The following KCNAB1 variants were observed in gnomAD, a reference collection of about 807,000 sequenced individuals.
KCNAB1 encodes voltage-gated potassium channel subunit beta-1.
KCNAB1 carries 35 observed loss-of-function variants against 64.6 expected under a neutral mutation model. The ratio of observed to expected loss-of-function variants is 0.54; its 90% CI spans 0.41 to 0.72. The LOEUF (loss-of-function observed/expected upper bound fraction) is 0.72. Ranked by LOEUF, KCNAB1 falls within the 30% of genes least tolerant of loss-of-function variation. The pLI is 0.00. For missense variants in KCNAB1, 401 were observed against 512.9 expected, an observed-to-expected ratio of 0.78 and a Z score of 2.11; for synonymous variants, 177 against 183.8, an observed-to-expected ratio of 0.96 and a Z score of 0.30.
chr3:156,367,785 G>A (rs1379938274), intron 1 of KCNAB1, among the ~76,000 whole-genome samples: 2 of 152,158 alleles, frequency 1.3e-5, no homozygotes, highest in Non-Finnish European at 1.5e-5. Context: ...AAGGAACTCT[G>A]TCACAAATTC....
intron 8 of KCNAB1, among the ~76,000 whole-genome samples, chr3:156,498,252 A>G (rs1354201995): frequency 1.3e-5 from 2 of 152,200 alleles, no homozygotes; most frequent in South Asian, 2.1e-4. Flanking sequence ...AACCATCCAC[A>G]TCAATTTGCA....
rs1465957028 is a variant in KCNAB1, at chr3:156,531,574, C to CT, written c.1170+78dup. 5.7e-6 allele frequency: 6 copies of CT among 1,059,182 alleles called. No homozygotes were observed. The East Asian group carries it at 1.4e-4, about 25-fold the overall frequency. 65.6% of individuals were successfully genotyped at this position (1,059,182 alleles called of 1,614,324 possible). The stretch of plus-strand genomic sequence containing the variant: ...GCTATCTCCAGGCAGTGTCCCATCT[C>CT]TCCCCCTCTCTGTCCTGGGTGGGGC... On this transcript the variant is annotated intron_variant, in intron 13 of 13. Transcript: ENST00000490337.
At chr3:156,308,549 C>CATG (rs1272478934) in intron 1 of KCNAB1, among the ~76,000 whole-genome samples, 3 of 152,174 alleles carry the variant, frequency 2.0e-5, no homozygotes, top group Non-Finnish European at 2.9e-5. Context: ...TAGATAAGCC[C>CATG]ATGATGATAA....
intron 8 of KCNAB1, 92 bp downstream of exon 8, chr3:156,474,912 C>A: frequency 1.0e-6 from 1 of 983,418 alleles, no homozygotes; most frequent in Non-Finnish European, 1.6e-6. Flanking sequence ...TGTATTCAGA[C>A]TGATCAAACT....
At chr3:156,238,421 CAAAAA>C (rs745633828) in intron 1 of KCNAB1, among the ~76,000 whole-genome samples, 1 of 71,784 alleles carries the variant, frequency 1.4e-5, no homozygotes, top group Non-Finnish European at 2.9e-5. Flanking sequence ...GACTTGGTCT[CAAAAA>C]AAAAAAAAAA....
chr3:156,232,790 G>A (rs75521577), intron 1 of KCNAB1, among the ~76,000 whole-genome samples: 5,667 of 152,266 alleles, frequency 0.037, 149 homozygotes, highest in Non-Finnish European at 0.055. Flanking sequence ...AGGGCTGGTA[G>A]TAATACAGAA....
chr3:156,450,926 G>A (rs1479745001), intron 2 of KCNAB1, among the ~76,000 whole-genome samples: 3 of 140,540 alleles, frequency 2.1e-5, no homozygotes, highest in Non-Finnish European at 3.0e-5. Flanking sequence ...TTTAGGAGAT[G>A]CACAAGTTCA....
chr3:156,349,052 G>T (rs1326744687), intron 1 of KCNAB1, among the ~76,000 whole-genome samples: 1 of 152,186 alleles, frequency 6.6e-6, no homozygotes, highest in African/African-American at 2.4e-5. Flanking sequence ...AGGAGCTACT[G>T]TTTCCCCTAC....
At chr3:156,232,512 C>T (rs1560149573) in intron 1 of KCNAB1, among the ~76,000 whole-genome samples, 1 of 152,210 alleles carries the variant, frequency 6.6e-6, no homozygotes. Context: ...CACAATTTCC[C>T]AGCTAAACTA....
At chr3:156,316,006 A>G (rs1722248360) in intron 1 of KCNAB1, among the ~76,000 whole-genome samples, 1 of 152,262 alleles carries the variant, frequency 6.6e-6, no homozygotes, top group African/African-American at 2.4e-5. Context: ...GCACACACAT[A>G]TACATAAATA....
chr3:156,245,718 G>A (rs1479864494), intron 1 of KCNAB1, among the ~76,000 whole-genome samples: 1 of 152,192 alleles, frequency 6.6e-6, no homozygotes. Context: ...CAAGAGCAGA[G>A]CATGGGTAAA....
chr3:156,132,044 C>A (rs1714029830), intron 1 of KCNAB1, among the ~76,000 whole-genome samples: 2 of 152,172 alleles, frequency 1.3e-5, no homozygotes, highest in South Asian at 4.1e-4. Flanking sequence ...TAAATGTATG[C>A]CTTAGAAGGA....
chr3:156,427,890 C>T (rs138781467), intron 2 of KCNAB1, among the ~76,000 whole-genome samples: 3 of 152,290 alleles, frequency 2.0e-5, no homozygotes, highest in Admixed American at 1.3e-4. Context: ...AAAAGTCTCA[C>T]ATTAGGAGCA....
intron 1 of KCNAB1, among the ~76,000 whole-genome samples, chr3:156,338,303 C>CATTTTTTTTTTTTTTT (rs1723859263): frequency 2.5e-5 from 1 of 39,488 alleles, no homozygotes; most frequent in Non-Finnish European, 4.8e-5. Context: ...GGCATTTGCA[C>CATTTTTTTTTTTTTTT]TTTTTTTTTT....
chr3:156,451,824 A>T (rs1488232247), intron 2 of KCNAB1, among the ~76,000 whole-genome samples: 3 of 151,696 alleles, frequency 2.0e-5, no homozygotes, highest in Admixed American at 2.0e-4. Flanking sequence ...CTCTCCCTAG[A>T]ATGTCTGTCC....
intron 8 of KCNAB1, among the ~76,000 whole-genome samples, chr3:156,493,105 A>G (rs1173932546): frequency 5.3e-5 from 8 of 152,128 alleles, no homozygotes; most frequent in Admixed American, 5.2e-4. Flanking sequence ...GTCTAGACAC[A>G]GTCCTTAGGG....
intron 1 of KCNAB1, among the ~76,000 whole-genome samples, chr3:156,346,724 A>C (rs73873322): frequency 0.033 from 4,952 of 152,328 alleles, 161 homozygotes; most frequent in African/African-American, 0.09. Context: ...TAGCTACAAT[A>C]ATCATAAAAA....
chr3:156,173,335 T>A (rs555386043), intron 1 of KCNAB1, among the ~76,000 whole-genome samples: 5 of 152,234 alleles, frequency 3.3e-5, no homozygotes, highest in African/African-American at 1.2e-4. Flanking sequence ...GAGGGTGTAA[T>A]AAGACAATGG....
intron 3 of KCNAB1, among the ~76,000 whole-genome samples, chr3:156,456,345 C>A (rs1476018879): frequency 6.6e-6 from 1 of 152,072 alleles, no homozygotes; most frequent in African/African-American, 2.4e-5. Flanking sequence ...CATACACAGG[C>A]TAATATAAAA....
Sources: gnomAD v4.1 joint callset for allele counts (sites outside exome capture counted in the v4.1 genomes callset) on GRCh38, gnomAD v4.1.1 for gene constraint, MANE v1.5 for transcripts, NCBI Gene and HGNC (gene_info 2026-07-23, HGNC 2026-07-21) for gene names.